MSMO1: variants seen among roughly 807,000 people sequenced by gnomAD.
The protein encoded by MSMO1 is methylsterol monooxygenase 1.
In MSMO1, 18 loss-of-function variants were observed where a neutral mutation model predicts 30.4. The observed-to-expected ratio is 0.59, with a 90% CI of 0.41 to 0.88. The LOEUF is 0.88. Ranked by LOEUF, MSMO1 falls within the 40% of genes least tolerant of loss-of-function variation. MSMO1 has a pLI of 0.00. For synonymous variants in MSMO1, 84 were observed against 107.9 expected (o/e 0.78, Z 1.37); for missense variants, 284 against 340.5 (o/e 0.83, Z 1.31).
At chr4:165,328,699 AT>A (rs1434041896) in intron 1 of MSMO1, among the ~76,000 whole-genome samples, 1 of 152,214 alleles carries the variant, frequency 6.6e-6, no homozygotes, top group Non-Finnish European at 1.5e-5. Context: ...GGAAAAGGAA[AT>A]TCAATTTTCC....
At chr4:165,328,494 G>T (rs1310539631) in intron 1 of MSMO1, among the ~76,000 whole-genome samples, 1 of 152,182 alleles carries the variant, frequency 6.6e-6, no homozygotes, top group Admixed American at 6.5e-5. Context: ...TAAGGTTTAG[G>T]AAGGGCAAGC....
chr4:165,329,345 T>A (rs1250003335), intron 1 of MSMO1, among the ~76,000 whole-genome samples: 1 of 152,136 alleles, frequency 6.6e-6, no homozygotes, highest in Non-Finnish European at 1.5e-5. Context: ...TTCATAGCAC[T>A]GTGTATTCCC....
chr4:165,332,410 G>C (rs1747422387), intron 1 of MSMO1, among the ~76,000 whole-genome samples: 1 of 152,144 alleles, frequency 6.6e-6, no homozygotes, highest in Non-Finnish European at 1.5e-5. Flanking sequence ...TGGCTTATTT[G>C]TGTTTTGCTT....
At chr4:165,328,509 A>T (rs1343307640) in intron 1 of MSMO1, among the ~76,000 whole-genome samples, 5 of 152,204 alleles carry the variant, frequency 3.3e-5, no homozygotes, top group Non-Finnish European at 7.4e-5. Context: ...GCAAGCTTGG[A>T]GGCAGGGCAA....
intron 4 of MSMO1, among the ~76,000 whole-genome samples, chr4:165,339,096 C>CTTTTTTTTT (rs869192459): frequency 0.014 from 838 of 60,510 alleles, 136 homozygotes; most frequent in East Asian, 0.077. Flanking sequence ...ATGAGCACTG[C>CTTTTTTTTT]TTTTTTTTTT....
chr4:165,336,355 A>G (rs1169342278), intron 2 of MSMO1, among the ~76,000 whole-genome samples: 3 of 152,186 alleles, frequency 2.0e-5, no homozygotes, highest in Non-Finnish European at 4.4e-5. Context: ...TATATTAAGT[A>G]CAGTTATGCA....
intron 5 of MSMO1, 110 bp downstream of exon 5, chr4:165,340,485 A>G: frequency 1.1e-6 from 1 of 912,756 alleles, no homozygotes; most frequent in Non-Finnish European, 1.7e-6. Context: ...TAATCTTCTT[A>G]ATGTTATATT....
At chr4:165,328,719 G>A (rs1747305585) in intron 1 of MSMO1, among the ~76,000 whole-genome samples, 1 of 152,220 alleles carries the variant, frequency 6.6e-6, no homozygotes, top group Non-Finnish European at 1.5e-5. Flanking sequence ...CCAAGACCTT[G>A]TTTCCCCTCT....
At chr4:165,329,625 ATTTTTTTTTTT>A (rs1171733863) in intron 1 of MSMO1, among the ~76,000 whole-genome samples, 9 of 68,004 alleles carry the variant, frequency 1.3e-4, no homozygotes, top group Admixed American at 6.7e-4. Context: ...ATCCATAGCG[ATTTTTTTTTTT>A]TTTTTTTTTT....
chr4:165,328,860 A>G (rs1747309585), intron 1 of MSMO1, among the ~76,000 whole-genome samples: 1 of 152,222 alleles, frequency 6.6e-6, no homozygotes, highest in South Asian at 2.1e-4. Flanking sequence ...TTAAGGCAGC[A>G]GAATGGGAGA....
chr4:165,342,141 G>A lies in MSMO1; in HGVS notation c.*195G>A. The A allele has an allele frequency of 2.0e-6, 1 of 506,620 alleles. No homozygotes were observed. Among genetic ancestry groups the A allele is most frequent in the Non-Finnish European group, 3.5e-6 (1 of 285,572 alleles). The allele number at this position is 506,620 out of a possible 1,614,324, so 31.4% of individuals were successfully genotyped here. A position where few individuals can be genotyped will look rare whatever the true frequency, so the allele number is the denominator to read the frequency against. On this transcript the variant is annotated 3_prime_UTR_variant, in exon 6 of 6. Transcript: ENST00000261507. ...CTACAAGTTCTATATATGTAGAAAT[G>A]AATAAATATATATTTAAGTACAGTT...
chr4:165,336,635 G>A (rs1360783201), intron 2 of MSMO1, among the ~76,000 whole-genome samples: 1 of 152,182 alleles, frequency 6.6e-6, no homozygotes. Flanking sequence ...CAGAGTGGAG[G>A]TTTAGAGGAG....
chr4:165,338,541 G>A (rs1747624849), intron 3 of MSMO1, 111 bp from the exon 4 acceptor site: 2 of 888,726 alleles, frequency 2.3e-6, no homozygotes, highest in African/African-American at 1.7e-5. Flanking sequence ...GGTCAACCTG[G>A]TAAGTGGGTG....
chr4:165,340,578 T>C, intron 5 of MSMO1: 2 of 581,972 alleles, frequency 3.4e-6, no homozygotes, highest in South Asian at 4.3e-5. Flanking sequence ...TTTATAGTGA[T>C]AATGTGTTAT....
intron 1 of MSMO1, among the ~76,000 whole-genome samples, chr4:165,330,256 T>C (rs1222260782): frequency 6.6e-6 from 1 of 152,234 alleles, no homozygotes; most frequent in Non-Finnish European, 1.5e-5. Context: ...ATCTATAAAA[T>C]GGTGATAAAA....
rs1059214 is a variant in MSMO1, at chr4:165,342,308, C to G, written c.*362C>G. On this transcript the variant is annotated 3_prime_UTR_variant, in exon 6 of 6. Transcript: ENST00000261507. ...GGTCTTTAAATCTTTTAGATATATA[C>G]TGGTCATTTCAGAAAATTCTTCATA... is the stretch of plus-strand genomic sequence containing the variant. 15,422 of 175,814 alleles carry G rather than the reference C, an allele frequency of 0.088. 2,416 individuals carry two copies. Among genetic ancestry groups the G allele is most frequent in the African/African-American group, 0.33 (13,870 of 41,732 alleles). 10.9% of individuals were successfully genotyped at this position (175,814 alleles called of 1,614,324 possible).
intron 2 of MSMO1, among the ~76,000 whole-genome samples, chr4:165,336,514 A>G (rs559106155): frequency 6.6e-6 from 1 of 152,350 alleles, no homozygotes; most frequent in African/African-American, 2.4e-5. Flanking sequence ...CTGTAACTGC[A>G]TCGATATCCC....
chr4:165,329,203 T>C (rs542089672), intron 1 of MSMO1, among the ~76,000 whole-genome samples: 41 of 152,282 alleles, frequency 2.7e-4, no homozygotes, highest in Non-Finnish European at 5.3e-4. Context: ...ATCTCCTGGT[T>C]GAGTCTTTGG....
At chr4:165,335,922 A>G (rs1747528085) in intron 2 of MSMO1, among the ~76,000 whole-genome samples, 1 of 152,274 alleles carries the variant, frequency 6.6e-6, no homozygotes, top group Non-Finnish European at 1.5e-5. Context: ...GAGTTTTAAA[A>G]GAAACCAAAA....
Sources: allele counts gnomAD v4.1 joint callset (sites outside exome capture counted in the v4.1 genomes callset), GRCh38; gene constraint gnomAD v4.1.1; transcripts MANE v1.5; gene names NCBI Gene and HGNC (gene_info 2026-07-23, HGNC 2026-07-21).